Variants in CSMD1 observed in about 807,000 individuals in gnomAD.
CSMD1 encodes the protein CUB and Sushi multiple domains 1, also known as CUB and sushi domain-containing protein 1.
A neutral mutation model predicts 417.5 loss-of-function variants in CSMD1; 213 were observed. The ratio of observed to expected loss-of-function variants is 0.51; its 90% CI spans 0.46 to 0.57. The LOEUF (loss-of-function observed/expected upper bound fraction) is 0.57, where lower values mean the gene tolerates loss of function less well. Ranked by LOEUF, CSMD1 falls within the 20% of genes least tolerant of loss-of-function variation. The pLI is 0.00. For synonymous variants in CSMD1, 2,862 were observed against 1,736.8 expected (o/e 1.65, Z -16.11); for missense variants, 6,923 against 4,529.7 (o/e 1.53, Z -15.17).
intron 3 of CSMD1, among the ~76,000 whole-genome samples, chr8:4,046,838 G>C (rs146691309): frequency 3.3e-5 from 5 of 152,134 alleles, no homozygotes; most frequent in Admixed American, 6.5e-5. Context: ...GGCACTTCAT[G>C]TATTATTTCC....
chr8:3,095,095 T>C (rs1815204814), intron 47 of CSMD1, among the ~76,000 whole-genome samples: 1 of 152,172 alleles, frequency 6.6e-6, no homozygotes, highest in Admixed American at 6.5e-5. Flanking sequence ...TATTGATAAA[T>C]AATTTGCTCC....
At chr8:4,362,118 A>C (rs1029635039) in intron 3 of CSMD1, among the ~76,000 whole-genome samples, 3 of 152,222 alleles carry the variant, frequency 2.0e-5, no homozygotes, top group Admixed American at 1.3e-4. Context: ...TACAAATCCA[A>C]GTACTTTATA....
intron 2 of CSMD1, among the ~76,000 whole-genome samples, chr8:4,485,672 AC>A (rs1460582713): frequency 6.6e-6 from 1 of 152,174 alleles, no homozygotes; most frequent in Non-Finnish European, 1.5e-5. Context: ...AATGAGGCTG[AC>A]CAAAATCAAG....
intron 11 of CSMD1, among the ~76,000 whole-genome samples, chr8:3,481,070 G>A (rs887932312): frequency 1.3e-5 from 2 of 148,210 alleles, no homozygotes; most frequent in Admixed American, 7.0e-5. Flanking sequence ...GCAGGAGAGT[G>A]CTTTGAACCC....
intron 50 of CSMD1, among the ~76,000 whole-genome samples, chr8:3,040,299 G>C (rs1810999116): frequency 6.6e-6 from 1 of 151,012 alleles, no homozygotes; most frequent in South Asian, 2.1e-4. Context: ...GTAATATATA[G>C]CTTGGAGAAG....
intron 1 of CSMD1, among the ~76,000 whole-genome samples, chr8:4,724,483 C>T (rs901588949): frequency 6.7e-6 from 1 of 150,278 alleles, no homozygotes; most frequent in East Asian, 2.0e-4. Context: ...GGGAGTTCAT[C>T]TTTATAAGTA....
rs1056101557 is a variant in CSMD1, at chr8:4,373,149, A to G, written c.415+46804T>C. 2.6e-5 allele frequency among the ~76,000 whole-genome samples: 4 copies of G among 152,270 alleles called. No homozygotes were observed. In the East Asian group the frequency reaches 7.7e-4, roughly 29 times the overall value. On this transcript the variant is annotated intron_variant, in intron 3 of 69. Coordinates refer to ENST00000635120, the MANE Select transcript of CSMD1 (RefSeq NM_033225.6). ...AAAAACATCAGACACCTCCCTAGGGAGGAGCAACCCATGATACCCCTTGAC... is the reference window on the plus strand; with the variant it reads ...AAAAACATCAGACACCTCCCTAGGGGGGAGCAACCCATGATACCCCTTGAC...
At chr8:3,697,446 T>C (rs996860640) in intron 7 of CSMD1, among the ~76,000 whole-genome samples, 2 of 152,250 alleles carry the variant, frequency 1.3e-5, no homozygotes, top group Non-Finnish European at 2.9e-5. Flanking sequence ...CAAGGCTAAT[T>C]AATTATCTTG....
At chr8:4,355,927 G>C (rs1472483572) in intron 3 of CSMD1, among the ~76,000 whole-genome samples, 1 of 149,020 alleles carries the variant, frequency 6.7e-6, no homozygotes, top group African/African-American at 2.4e-5. Context: ...CTGTTTTTTT[G>C]TTTTGTTTTG....
intron 3 of CSMD1, among the ~76,000 whole-genome samples, chr8:4,118,031 C>G (rs1411558784): frequency 6.6e-6 from 1 of 150,968 alleles, no homozygotes; most frequent in Admixed American, 6.6e-5. Context: ...TTTTCTCAAG[C>G]CTCTTAGTCA....
At chr8:4,222,155 C>A (rs953302147) in intron 3 of CSMD1, among the ~76,000 whole-genome samples, 1 of 151,842 alleles carries the variant, frequency 6.6e-6, no homozygotes, top group Non-Finnish European at 1.5e-5. Flanking sequence ...AGAGCCTTAC[C>A]ACCATCTCAA....
At chr8:3,702,830 A>C (rs957133881) in intron 7 of CSMD1, among the ~76,000 whole-genome samples, 3 of 152,198 alleles carry the variant, frequency 2.0e-5, no homozygotes, top group Admixed American at 6.5e-5. Context: ...CTCTGTCTCA[A>C]TAACAAACAA....
intron 12 of CSMD1, among the ~76,000 whole-genome samples, chr8:3,415,600 C>T (rs1250468362): frequency 6.6e-6 from 1 of 152,200 alleles, no homozygotes; most frequent in East Asian, 1.9e-4. Context: ...CTCAAGTGAT[C>T]TGCCCTCCTC....
intron 3 of CSMD1, among the ~76,000 whole-genome samples, chr8:4,046,611 AGTCT>A (rs200169147): frequency 0.11 from 16,003 of 152,064 alleles, 254 homozygotes; most frequent in East Asian, 0.3. Context: ...TTGATTGTTG[AGTCT>A]TGATAATTCC....
At chr8:4,271,239 C>A (rs566306144) in intron 3 of CSMD1, among the ~76,000 whole-genome samples, 1 of 152,076 alleles carries the variant, frequency 6.6e-6, no homozygotes, top group Non-Finnish European at 1.5e-5. Context: ...CGAATCAGGG[C>A]GTAGTGGACA....
intron 26 of CSMD1, among the ~76,000 whole-genome samples, chr8:3,261,869 G>C (rs143663746): frequency 6.6e-6 from 1 of 152,184 alleles, no homozygotes; most frequent in African/African-American, 2.4e-5. Context: ...AGGTCAATGG[G>C]TACGGCTATC....
At chr8:4,241,661 T>G (rs1048853474) in intron 3 of CSMD1, among the ~76,000 whole-genome samples, 2 of 152,164 alleles carry the variant, frequency 1.3e-5, no homozygotes, top group African/African-American at 4.8e-5. Context: ...ACAAATGGTA[T>G]TTCTTCCATC....
intron 42 of CSMD1, among the ~76,000 whole-genome samples, chr8:3,115,406 T>C (rs1459895426): frequency 6.6e-6 from 1 of 152,204 alleles, no homozygotes; most frequent in African/African-American, 2.4e-5. Context: ...TTTGCCATGT[T>C]GGCCAGGCTT....
chr8:4,438,592 A>G (rs1474549999), intron 2 of CSMD1, among the ~76,000 whole-genome samples: 1 of 152,122 alleles, frequency 6.6e-6, no homozygotes, highest in African/African-American at 2.4e-5. Context: ...GCACAGTCAC[A>G]TTGTGCTGAA....
Sources: allele counts gnomAD v4.1 joint callset (sites outside exome capture counted in the v4.1 genomes callset), GRCh38; gene constraint gnomAD v4.1.1; transcripts MANE v1.5; gene names NCBI Gene and HGNC (gene_info 2026-07-23, HGNC 2026-07-21).